Variants in ZFP92 observed in about 807,000 individuals in gnomAD.
The protein encoded by ZFP92 is zinc finger protein 92 homolog.
A neutral mutation model predicts 7.6 loss-of-function variants in ZFP92; 2 were observed. The ratio of observed to expected loss-of-function variants is 0.26; its 90% CI spans 0.11 to 0.83. The LOEUF is 0.83. ZFP92 is among the 40% of genes least tolerant of loss of function. The probability of loss-of-function intolerance (pLI) is 0.65; values close to 1 mark genes in which losing one functional copy is unlikely to be tolerated. For synonymous variants in ZFP92, 226 were observed against 183.6 expected (o/e 1.23, Z -1.87); for missense variants, 324 against 408.3 (o/e 0.79, Z 1.78).
chrX:153,420,799 G>T lies in ZFP92; in HGVS notation c.422G>T (p.Gly141Val). Reference protein sequence around the residue: ...AQGLGQSSAAGPQGPKGAEKR... With the variant: ...AQGLGQSSAAVPQGPKGAEKR... ...GGCTTGGGGCAGAGTTCGGCTGCGG[G>T]GCCGCAGGGCCCCAAAGGCGCGGAG... Residue 141 changes from glycine to valine, a missense_variant, in exon 6 of 6, where the codon GGG becomes GTG. By Grantham distance (109) the Gly-to-Val change is moderately radical. Transcript: ENST00000338647. The T allele has an allele frequency of 8.6e-7, 1 of 1,168,881 alleles. No homozygotes were observed. Among genetic ancestry groups the T allele is most frequent in the African/African-American group, 1.8e-5 (1 of 56,575 alleles).
At chrX:153,418,231 G>A (rs782263896) in intron 2 of ZFP92, 74 bp from the exon 3 acceptor site, 4 of 1,089,062 alleles carry the variant, frequency 3.7e-6, no homozygotes, top group East Asian at 3.3e-5. Flanking sequence ...ACTAAGCAGG[G>A]TCTTCAAGCA....
chrX:153,411,521 G>A lies in ZFP92; in HGVS notation c.-250G>A, dbSNP rs1459092278. 1.8e-5 allele frequency among the ~76,000 whole-genome samples: 2 copies of A among 112,342 alleles called. No individual in the cohort carries two copies. The highest frequency in any genetic ancestry group is 6.4e-5 in the African/African-American group (2 of 31,035). On this transcript the variant is annotated 5_prime_UTR_variant, in exon 1 of 6. Transcript: ENST00000338647. ...CGCACCAGACTGAGACTCCCCTTCAGGACGCTCTTCGCGAGCGGTACCCAG... is the reference window on the plus strand; with the variant it reads ...CGCACCAGACTGAGACTCCCCTTCAAGACGCTCTTCGCGAGCGGTACCCAG...
chrX:153,421,680 G>T lies in ZFP92; in HGVS notation c.*52G>T, dbSNP rs1202942564. 3.2e-6 allele frequency: 3 copies of T among 925,375 alleles called. No homozygotes were observed. The highest frequency in any genetic ancestry group is 4.0e-6 in the Non-Finnish European group (3 of 748,765). 76.3% of individuals were successfully genotyped at this position (925,375 alleles called of 1,213,427 possible). A position where few individuals can be genotyped will look rare whatever the true frequency, so the allele number is the denominator to read the frequency against. On this transcript the variant is annotated 3_prime_UTR_variant, in exon 6 of 6. Coordinates refer to ENST00000338647, the MANE Select transcript of ZFP92 (RefSeq NM_001136273.2). ...GCCGGTCTGCGTGGGGGGCCTTCCT[G>T]GGGACGTCGAGGCTCAGCCCCCTTC...
intron 2 of ZFP92, among the ~76,000 whole-genome samples, chrX:153,413,939 T>G (rs1053503880): frequency 4.4e-5 from 5 of 112,400 alleles, no homozygotes; most frequent in Non-Finnish European, 7.5e-5. Context: ...AGTGCGGGTC[T>G]CCGTCTCTGG....
chrX:153,416,503 T>C (rs1418303406), intron 2 of ZFP92, among the ~76,000 whole-genome samples: 1 of 111,567 alleles, frequency 9.0e-6, no homozygotes, highest in African/African-American at 3.3e-5. Flanking sequence ...ACTGTGGCTG[T>C]CCTTCTCTAT....
chrX:153,418,634 G>T, intron 3 of ZFP92, 39 bp from the exon 4 acceptor site: 1 of 1,164,140 alleles, frequency 8.6e-7, no homozygotes, highest in Non-Finnish European at 1.1e-6. Context: ...GGCCCAGGGG[G>T]TTGAATTCCC....
chrX:153,418,805 T>C lies in ZFP92; in HGVS notation c.160+6T>C, dbSNP rs2088975923. The C allele has an allele frequency of 8.6e-7, 1 of 1,166,952 alleles. No individual in the cohort carries two copies. The highest frequency in any genetic ancestry group is 1.1e-6 in the Non-Finnish European group (1 of 872,657). ...TAGCCATTTGGTGTCACTGGGTAAG[T>C]GATCCCTCCACGACATACACACACC... On this transcript the variant is annotated splice_donor_region_variant and intron_variant, in intron 4 of 5. Transcript: ENST00000338647.
In ZFP92 at chrX:153,422,000, G is replaced by A. The variant is rs189206553; in HGVS notation, c.*372G>A. The A allele has an allele frequency of 8.2e-3, 1,046 of 127,230 alleles. 12 individuals carry two copies. Among genetic ancestry groups the A allele is most frequent in the Middle Eastern group, 0.037 (10 of 273 alleles). 10.5% of individuals were successfully genotyped at this position (127,230 alleles called of 1,213,427 possible). On this transcript the variant is annotated 3_prime_UTR_variant, in exon 6 of 6. Coordinates refer to ENST00000338647, the MANE Select transcript of ZFP92 (RefSeq NM_001136273.2). The stretch of plus-strand genomic sequence containing the variant: ...AGTGTGCACAGGCGTGCGTGGAGGG[G>A]ATGCGTGAACCATCCCTCGGATTTG...
In ZFP92 at chrX:153,422,379, C is replaced by T. The variant is rs1423383073; in HGVS notation, c.*751C>T. 8.9e-6 allele frequency: 1 copy of T among 111,872 alleles called. No individual in the cohort carries two copies. The highest frequency in any genetic ancestry group is 3.3e-5 in the African/African-American group (1 of 30,756). 9.2% of individuals were successfully genotyped at this position (111,872 alleles called of 1,213,427 possible). A position where few individuals can be genotyped will look rare whatever the true frequency, so the allele number is the denominator to read the frequency against. Reference sequence around the variant, plus strand: ...GCCCAGGCCCCATCATCCCTGAGCACCAGTGGTTCTGGGAATGGCTAGCCC... The same window carrying T: ...GCCCAGGCCCCATCATCCCTGAGCATCAGTGGTTCTGGGAATGGCTAGCCC... On this transcript the variant is annotated 3_prime_UTR_variant, in exon 6 of 6. Transcript: ENST00000338647.
intron 2 of ZFP92, among the ~76,000 whole-genome samples, chrX:153,414,906 T>C (rs1556973509): frequency 1.8e-5 from 2 of 112,468 alleles, no homozygotes; most frequent in Non-Finnish European, 3.8e-5. Flanking sequence ...CTGGGATAGA[T>C]GAAAGGCACA....
rs1236777431 is a variant in ZFP92 at position 153,411,562 on chromosome X, A to C, written c.-209A>C. Among the ~76,000 whole-genome samples, 2 of 112,297 alleles carry C rather than the reference A, an allele frequency of 1.8e-5. No homozygotes were observed. The highest frequency in any genetic ancestry group is 3.8e-5 in the Non-Finnish European group (2 of 52,987). ...CGGTACCCAGAGGCGAAGTCGAGAC[A>C]AGCCCAGGAGCCCCCACCCCCCGCC... On this transcript the variant is annotated 5_prime_UTR_variant, in exon 1 of 6. Transcript: ENST00000338647.
At chrX:153,416,043 C>G (rs1203105384) in intron 2 of ZFP92, among the ~76,000 whole-genome samples, 1 of 111,394 alleles carries the variant, frequency 9.0e-6, no homozygotes. Flanking sequence ...TCTCCCCAGT[C>G]TCCTTTCTCC....
At chrX:153,420,398 G>A (rs1228993948) in intron 5 of ZFP92, 66 bp downstream of exon 5, 13 of 1,002,984 alleles carry the variant, frequency 1.3e-5, no homozygotes, top group South Asian at 2.3e-5. Flanking sequence ...CAAAGGGGGC[G>A]GGGGAGGGTA....
chrX:153,415,573 T>C (rs148064678), intron 2 of ZFP92, among the ~76,000 whole-genome samples: 383 of 112,240 alleles, frequency 3.4e-3, no homozygotes, highest in Non-Finnish European at 5.0e-3. Context: ...CGCAAGGGTT[T>C]GTGTGAACCA....
At chrX:153,414,387 G>A (rs1330417621) in intron 2 of ZFP92, among the ~76,000 whole-genome samples, 18 of 111,609 alleles carry the variant, frequency 1.6e-4, no homozygotes, top group Middle Eastern at 4.6e-3. Context: ...TAGCTTTGTC[G>A]CCCAGGCTGG....
At position 153,420,975 on chromosome X, in the gene ZFP92, C is replaced by A. The variant is rs782173821; in HGVS notation, c.598C>A (p.Arg200Ser). The change falls in exon 6 of 6, where the codon CGC becomes AGC. Residue 200 changes from arginine (R) to serine (S), a missense_variant. Coordinates refer to ENST00000338647, the MANE Select transcript of ZFP92 (RefSeq NM_001136273.2). ...CAGCTTCGCGCTCCTGGAGCACCAGCGCATCCACAGCGGCGAGAAGCCCTA... is the reference window on the plus strand; with the variant it reads ...CAGCTTCGCGCTCCTGGAGCACCAGAGCATCCACAGCGGCGAGAAGCCCTA... ...RRSFALLEHQ[R>S]IHSGEKPYAC... The A allele has an allele frequency of 3.3e-6, 4 of 1,199,612 alleles. No individual in the cohort carries two copies. The East Asian group carries it at 9.0e-5, about 27-fold the overall frequency.
rs191908607 is a variant in ZFP92 at position 153,421,449 on chromosome X, G to A, written c.1072G>A (p.Gly358Ser). ...GTGCAGCGACTGCGGCAAGGCCTTCGGCCGGCGCGCCAACCTATTCAAGCA... is the reference window on the plus strand; with the variant it reads ...GTGCAGCGACTGCGGCAAGGCCTTCAGCCGGCGCGCCAACCTATTCAAGCA... ...YECSDCGKAF[G>S]RRANLFKHQA... is the part of the protein sequence containing the mutation. The change falls in exon 6 of 6, where the codon GGC becomes AGC. Residue 358 changes from glycine to serine, a missense_variant. Coordinates refer to ENST00000338647, the MANE Select transcript of ZFP92 (RefSeq NM_001136273.2). 653 of 1,149,496 alleles carry A rather than the reference G, an allele frequency of 5.7e-4. 1 individual carries two copies. The African/African-American group carries it at 9.8e-3, about 17-fold the overall frequency. 94.7% of individuals were successfully genotyped at this position (1,149,496 alleles called of 1,213,427 possible).
chrX:153,420,667 C>T lies in ZFP92; in HGVS notation c.290C>T (p.Ser97Leu), dbSNP rs574964437. Residue 97 changes from serine to leucine, a missense_variant, in exon 6 of 6, where the codon TCG (serine) becomes TTG (leucine). Transcript: ENST00000338647. Reference sequence around the variant, plus strand: ...GGTGACAGAACACAGAGCAAGACGTCGACTTCAACGCAGAAGCATTCTGGA... The same window carrying T: ...GGTGACAGAACACAGAGCAAGACGTTGACTTCAACGCAGAAGCATTCTGGA... ...HIGDRTQSKT[S>L]TSTQKHSGRQ... 4.5e-6 allele frequency: 5 copies of T among 1,115,724 alleles called. No individual in the cohort carries two copies. In the South Asian group the frequency reaches 1.1e-4, roughly 25 times the overall value. The allele number at this position is 1,115,724 out of a possible 1,213,427, so 91.9% of individuals were successfully genotyped here. A position where few individuals can be genotyped will look rare whatever the true frequency, so the allele number is the denominator to read the frequency against.
At chrX:153,414,299 C>T (rs2088933376) in intron 2 of ZFP92, among the ~76,000 whole-genome samples, 1 of 111,955 alleles carries the variant, frequency 8.9e-6, no homozygotes, top group African/African-American at 3.3e-5. Context: ...ATTTTACCTA[C>T]AGGAACATTT....
Sources: gnomAD v4.1 joint callset for allele counts (sites outside exome capture counted in the v4.1 genomes callset) on GRCh38, gnomAD v4.1.1 for gene constraint, MANE v1.5 for transcripts, NCBI Gene and HGNC (gene_info 2026-07-23, HGNC 2026-07-21) for gene names.